Variants in KLHL1 observed in about 807,000 individuals in gnomAD.
KLHL1 encodes kelch like family member 1.
In KLHL1, 47 loss-of-function variants were observed where a neutral mutation model predicts 77.7. The observed-to-expected ratio is 0.60, with a 90% CI of 0.48 to 0.77. The LOEUF is 0.77. Ranked by LOEUF, KLHL1 falls within the 30% of genes least tolerant of loss-of-function variation. KLHL1 has a pLI of 0.00. For missense variants in KLHL1, 925 were observed against 910.8 expected (o/e 1.02, Z -0.20); for synonymous variants, 360 against 325.2 (o/e 1.11, Z -1.15).
At chr13:69,751,982 C>T (rs1299303585) in intron 7 of KLHL1, among the ~76,000 whole-genome samples, 1 of 152,128 alleles carries the variant, frequency 6.6e-6, no homozygotes, top group South Asian at 2.1e-4. Context: ...TTCAAAATTA[C>T]AACCTGGCAA....
intron 8 of KLHL1, among the ~76,000 whole-genome samples, chr13:69,732,064 G>T (rs557271575): frequency 2.6e-5 from 4 of 152,246 alleles, no homozygotes; most frequent in African/African-American, 9.6e-5. Context: ...TGATTGGAAG[G>T]AGGGGAGTCA....
intron 1 of KLHL1, among the ~76,000 whole-genome samples, chr13:69,997,925 G>A (rs1885198801): frequency 1.3e-5 from 2 of 151,520 alleles, no homozygotes; most frequent in Non-Finnish European, 1.5e-5. Flanking sequence ...AGGAGTGCAC[G>A]TGTCTCTTCG....
At chr13:69,805,885 C>T (rs1174791210) in intron 6 of KLHL1, among the ~76,000 whole-genome samples, 1 of 151,612 alleles carries the variant, frequency 6.6e-6, no homozygotes, top group East Asian at 1.9e-4. Flanking sequence ...TCTTTGGAAA[C>T]TTAACTGTAC....
intron 1 of KLHL1, among the ~76,000 whole-genome samples, chr13:69,998,364 G>A (rs558390453): frequency 6.6e-6 from 1 of 152,122 alleles, no homozygotes; most frequent in Non-Finnish European, 1.5e-5. Context: ...CTCCCATTGT[G>A]TGGGAGCACA....
chr13:69,916,681 G>A (rs1404988248), intron 4 of KLHL1, among the ~76,000 whole-genome samples: 2 of 151,688 alleles, frequency 1.3e-5, no homozygotes, highest in Non-Finnish European at 2.9e-5. Context: ...CATGGTACAT[G>A]TATACGTATG....
At chr13:70,057,428 A>G (rs1346515964) in intron 1 of KLHL1, among the ~76,000 whole-genome samples, 2 of 140,272 alleles carry the variant, frequency 1.4e-5, no homozygotes, top group Non-Finnish European at 3.0e-5. Flanking sequence ...ACTCATTCTG[A>G]GGCCAGTATG....
chr13:69,863,626 T>C (rs1031580352), intron 5 of KLHL1, among the ~76,000 whole-genome samples: 6 of 152,102 alleles, frequency 3.9e-5, no homozygotes, highest in African/African-American at 1.4e-4. Flanking sequence ...GTCTTAATAC[T>C]GTGGAAGCAC....
chr13:69,842,774 T>C (rs1879316333), intron 5 of KLHL1, among the ~76,000 whole-genome samples: 1 of 151,866 alleles, frequency 6.6e-6, no homozygotes, highest in Non-Finnish European at 1.5e-5. Context: ...AGCAAAGATA[T>C]GGAATCAACC....
At chr13:69,760,213 ACTC>A (rs1874954961) in intron 7 of KLHL1, among the ~76,000 whole-genome samples, 1 of 152,104 alleles carries the variant, frequency 6.6e-6, no homozygotes, top group Non-Finnish European at 1.5e-5. Context: ...CTCTGCCTAG[ACTC>A]AGTATGGATA....
chr13:69,828,411 C>T (rs947208903), intron 6 of KLHL1, among the ~76,000 whole-genome samples: 1 of 150,182 alleles, frequency 6.7e-6, no homozygotes, highest in Non-Finnish European at 1.5e-5. Context: ...GAAACCATTT[C>T]TAACTTTATC....
At chr13:69,888,909 T>C (rs187572701) in intron 4 of KLHL1, among the ~76,000 whole-genome samples, 1 of 152,032 alleles carries the variant, frequency 6.6e-6, no homozygotes, top group Non-Finnish European at 1.5e-5. Context: ...TCTAAGTTAT[T>C]TCTTTTATAG....
chr13:69,993,333 A>T (rs1885072082), intron 1 of KLHL1, among the ~76,000 whole-genome samples: 1 of 151,924 alleles, frequency 6.6e-6, no homozygotes, highest in African/African-American at 2.4e-5. Flanking sequence ...AATAACCTCC[A>T]CCTGGCAATC....
chr13:69,719,467 ACC>A lies in KLHL1; in HGVS notation c.1915_1916del (p.Gly639CysfsTer7). The part of the protein sequence containing the change: ...MCAPMCKRRG[G>X]VGVATCDGFL... ...AACCGTCACATGTGGCCACTCCGAC[ACC>A]CCCTCTCCTCTTACACATGGGAGCA... is the stretch of plus-strand genomic sequence containing the variant. On this transcript the variant is annotated frameshift_variant, in exon 9 of 11. Transcript: ENST00000377844. LOFTEE classifies it high-confidence loss of function. The A allele has an allele frequency of 3.1e-6, 5 of 1,613,364 alleles. No individual in the cohort carries two copies. Among genetic ancestry groups the A allele is most frequent in the Non-Finnish European group, 4.2e-6 (5 of 1,179,710 alleles).
intron 1 of KLHL1, among the ~76,000 whole-genome samples, chr13:70,033,273 TTTTTG>T (rs1195734627): frequency 2.0e-5 from 3 of 151,956 alleles, no homozygotes; most frequent in Non-Finnish European, 4.4e-5. Flanking sequence ...TTCTAATAAT[TTTTTG>T]TTTTGTTTTG....
intron 1 of KLHL1, among the ~76,000 whole-genome samples, chr13:70,020,185 G>T (rs1371442167): frequency 1.3e-5 from 2 of 152,018 alleles, no homozygotes; most frequent in Non-Finnish European, 2.9e-5. Flanking sequence ...TGGACAAAAA[G>T]ATCTATTTAA....
intron 3 of KLHL1, among the ~76,000 whole-genome samples, chr13:69,958,198 C>T (rs922075959): frequency 6.6e-6 from 1 of 151,358 alleles, no homozygotes; most frequent in African/African-American, 2.4e-5. Context: ...ATCACCATTG[C>T]TGTCTCTCAA....
chr13:69,813,574 T>A (rs1877992983), intron 6 of KLHL1, among the ~76,000 whole-genome samples: 2 of 152,122 alleles, frequency 1.3e-5, no homozygotes, highest in South Asian at 4.1e-4. Context: ...AGAATCAATG[T>A]ACAAGAATAA....
At chr13:69,951,394 T>C (rs964901016) in intron 3 of KLHL1, among the ~76,000 whole-genome samples, 3 of 151,484 alleles carry the variant, frequency 2.0e-5, no homozygotes, top group Non-Finnish European at 4.4e-5. Flanking sequence ...AGGCAACTTC[T>C]ACTGGCCAGA....
intron 8 of KLHL1, among the ~76,000 whole-genome samples, chr13:69,724,137 G>A (rs961377219): frequency 2.0e-5 from 3 of 151,988 alleles, no homozygotes; most frequent in South Asian, 2.1e-4. Context: ...GCCTGGCTAC[G>A]TGTCAGAAAA....
Sources: gnomAD v4.1 joint callset for allele counts (sites outside exome capture counted in the v4.1 genomes callset) on GRCh38, gnomAD v4.1.1 for gene constraint, MANE v1.5 for transcripts, NCBI Gene and HGNC (gene_info 2026-07-23, HGNC 2026-07-21) for gene names.